Variants in LHFPL6 observed in about 807,000 individuals in gnomAD.
LHFPL6 encodes LHFPL tetraspan subfamily member 6 protein.
LHFPL6 carries 9 observed loss-of-function variants against 20.6 expected under a neutral mutation model. The observed-to-expected ratio is 0.44, with a 90% confidence interval of 0.26 to 0.76. The LOEUF is 0.76. LHFPL6 is among the 30% of genes least tolerant of loss of function. The pLI, the probability that LHFPL6 is intolerant of heterozygous loss-of-function variation, is 0.20. For synonymous variants in LHFPL6, 105 were observed against 98.7 expected (o/e 1.06, Z -0.38); for missense variants, 218 against 253.5 (o/e 0.86, Z 0.95).
At chr13:39,410,251 T>C (rs1190450166) in intron 2 of LHFPL6, among the ~76,000 whole-genome samples, 1 of 152,254 alleles carries the variant, frequency 6.6e-6, no homozygotes, top group East Asian at 1.9e-4. Context: ...GCCAAATTTA[T>C]GCATTCATTT....
chr13:39,437,551 C>T (rs150929188), intron 2 of LHFPL6, among the ~76,000 whole-genome samples: 89 of 152,256 alleles, frequency 5.8e-4, no homozygotes, highest in African/African-American at 2.1e-3. Context: ...AACCACGAAC[C>T]AATGAAATAT....
At chr13:39,391,860 C>T (rs534426238) in intron 2 of LHFPL6, among the ~76,000 whole-genome samples, 11 of 152,156 alleles carry the variant, frequency 7.2e-5, no homozygotes, top group Non-Finnish European at 1.5e-4. Flanking sequence ...TTTAAAATAC[C>T]ATCACTTCCA....
At chr13:39,344,718 T>C (rs1293483287) in intron 3 of LHFPL6, among the ~76,000 whole-genome samples, 12 of 152,210 alleles carry the variant, frequency 7.9e-5, no homozygotes, top group Non-Finnish European at 1.5e-4. Context: ...ATATTAAAAA[T>C]ATGTAAGTAG....
chr13:39,385,136 A>C (rs1870533262), intron 2 of LHFPL6, among the ~76,000 whole-genome samples: 1 of 152,236 alleles, frequency 6.6e-6, no homozygotes, highest in African/African-American at 2.4e-5. Flanking sequence ...TGCAATCAGC[A>C]ATCTAGAGGC....
chr13:39,584,874 T>G (rs1872400367), intron 2 of LHFPL6, among the ~76,000 whole-genome samples: 1 of 152,122 alleles, frequency 6.6e-6, no homozygotes, highest in African/African-American at 2.4e-5. Context: ...AAGACAACTG[T>G]GCACACACAG....
intron 2 of LHFPL6, among the ~76,000 whole-genome samples, chr13:39,419,431 CAT>C (rs2138394584): frequency 6.6e-6 from 1 of 152,272 alleles, no homozygotes; most frequent in African/African-American, 2.4e-5. Flanking sequence ...GGTTTCAAAA[CAT>C]ATTTGGTATT....
chr13:39,363,341 C>T (rs1869927263), intron 3 of LHFPL6, among the ~76,000 whole-genome samples: 2 of 152,096 alleles, frequency 1.3e-5, no homozygotes, highest in Non-Finnish European at 2.9e-5. Flanking sequence ...ACTTCTGCCA[C>T]CCAGAGCATC....
At chr13:39,349,114 G>A (rs141752443) in intron 3 of LHFPL6, among the ~76,000 whole-genome samples, 23 of 152,110 alleles carry the variant, frequency 1.5e-4, no homozygotes, top group Non-Finnish European at 2.5e-4. Flanking sequence ...TCCAAAATGA[G>A]CTGTTAATGT....
At chr13:39,528,883 G>A (rs1870372499) in intron 2 of LHFPL6, among the ~76,000 whole-genome samples, 1 of 152,064 alleles carries the variant, frequency 6.6e-6, no homozygotes, top group Non-Finnish European at 1.5e-5. Context: ...TTGTTGCTTA[G>A]ACACTTTCGA....
chr13:39,403,724 A>C (rs1415354507), intron 2 of LHFPL6, among the ~76,000 whole-genome samples: 1 of 152,218 alleles, frequency 6.6e-6, no homozygotes, highest in Non-Finnish European at 1.5e-5. Flanking sequence ...TAGATGTAAT[A>C]ATGAAATTTC....
intron 2 of LHFPL6, among the ~76,000 whole-genome samples, chr13:39,502,517 A>C (rs9603554): frequency 6.6e-6 from 1 of 151,466 alleles, no homozygotes; most frequent in Non-Finnish European, 1.5e-5. Context: ...GCTACTCAGG[A>C]GGCTGAGGTG....
chr13:39,351,178 A>G (rs144924711), intron 3 of LHFPL6, among the ~76,000 whole-genome samples: 3 of 152,332 alleles, frequency 2.0e-5, no homozygotes, highest in Admixed American at 6.5e-5. Flanking sequence ...CAGACGTTAT[A>G]CTTGTGCTAA....
At chr13:39,555,914 G>C (rs891453190) in intron 2 of LHFPL6, among the ~76,000 whole-genome samples, 2 of 152,266 alleles carry the variant, frequency 1.3e-5, no homozygotes, top group African/African-American at 2.4e-5. Context: ...GAATGGCTTA[G>C]TACCATCCCC....
At chr13:39,519,152 C>T (rs1474106118) in intron 2 of LHFPL6, among the ~76,000 whole-genome samples, 1 of 152,112 alleles carries the variant, frequency 6.6e-6, no homozygotes, top group African/African-American at 2.4e-5. Flanking sequence ...AGAAGAACTG[C>T]TTGAACTCGG....
At chr13:39,574,234 G>A (rs1872030387) in intron 2 of LHFPL6, among the ~76,000 whole-genome samples, 1 of 152,172 alleles carries the variant, frequency 6.6e-6, no homozygotes, top group South Asian at 2.1e-4. Flanking sequence ...TGTAATCCCA[G>A]CACTTTGGGA....
At chr13:39,370,097 G>T (rs572500960) in intron 3 of LHFPL6, among the ~76,000 whole-genome samples, 1 of 152,182 alleles carries the variant, frequency 6.6e-6, no homozygotes, top group Non-Finnish European at 1.5e-5. Flanking sequence ...TTCATCTGAT[G>T]GAAAGAGGCC....
intron 2 of LHFPL6, among the ~76,000 whole-genome samples, chr13:39,574,299 G>C (rs551206220): frequency 3.9e-5 from 6 of 152,002 alleles, no homozygotes; most frequent in Non-Finnish European, 7.4e-5. Context: ...TGGCTAACAT[G>C]GTGAAACCCC....
At chr13:39,561,410 T>C (rs74046555) in intron 2 of LHFPL6, among the ~76,000 whole-genome samples, 7,096 of 152,178 alleles carry the variant, frequency 0.047, 345 homozygotes, top group African/African-American at 0.12. Flanking sequence ...ATTTTGGACT[T>C]TGACGAGAAC....
intron 2 of LHFPL6, among the ~76,000 whole-genome samples, chr13:39,427,028 GAA>G (rs149039102): frequency 0.026 from 3,933 of 149,886 alleles, 154 homozygotes; most frequent in African/African-American, 0.088. Context: ...TTTCTCCACT[GAA>G]TTGCCTTAAT....
Sources: gnomAD v4.1 joint callset for allele counts (sites outside exome capture counted in the v4.1 genomes callset) on GRCh38, gnomAD v4.1.1 for gene constraint, MANE v1.5 for transcripts, NCBI Gene and HGNC (gene_info 2026-07-23, HGNC 2026-07-21) for gene names.